The following DLGAP2 variants were observed in gnomAD, a reference collection of about 807,000 sequenced individuals.
DLGAP2 encodes the protein DLG associated protein 2.
In DLGAP2, 26 loss-of-function variants were observed where a neutral mutation model predicts 100.3. The observed-to-expected ratio is 0.26, with a 90% CI of 0.19 to 0.36. The LOEUF (loss-of-function observed/expected upper bound fraction) is 0.36. Among genes scored for constraint, DLGAP2 ranks in the 10% least tolerant of loss-of-function variants. The probability of loss-of-function intolerance (pLI) is 1.00; values close to 1 mark genes in which losing one functional copy is unlikely to be tolerated. For missense variants in DLGAP2, 1,858 were observed against 1,453.2 expected, an observed-to-expected ratio of 1.28 and a Z score of -4.53; for synonymous variants, 886 against 630.1, an observed-to-expected ratio of 1.41 and a Z score of -6.08.
chr8:1,601,945 G>GAT (rs1554506576), intron 6 of DLGAP2, among the ~76,000 whole-genome samples: 1,997 of 146,440 alleles, frequency 0.014, 22 homozygotes, highest in Middle Eastern at 0.028. Flanking sequence ...AATTTAACAG[G>GAT]GTGTGTGTGT....
At chr8:800,045 C>G (rs1360653861) in intron 1 of DLGAP2, among the ~76,000 whole-genome samples, 1 of 152,082 alleles carries the variant, frequency 6.6e-6, no homozygotes, top group Non-Finnish European at 1.5e-5. Context: ...TCTGGATGTC[C>G]TTTTAAAACT....
At chr8:777,961 A>G (rs1024540918) in intron 1 of DLGAP2, among the ~76,000 whole-genome samples, 7 of 152,042 alleles carry the variant, frequency 4.6e-5, no homozygotes, top group African/African-American at 9.7e-5. Flanking sequence ...ACTTGGTTCC[A>G]TTCTCCCCAT....
chr8:1,214,424 A>C (rs1798170597), intron 2 of DLGAP2, among the ~76,000 whole-genome samples: 1 of 152,204 alleles, frequency 6.6e-6, no homozygotes, highest in African/African-American at 2.4e-5. Context: ...GACTGCAGGT[A>C]GCAAGCAGGG....
intron 6 of DLGAP2, among the ~76,000 whole-genome samples, chr8:1,601,945 G>GATGTGTGTGTGT (rs1554506576): frequency 0.016 from 2,273 of 146,434 alleles, 26 homozygotes; most frequent in Non-Finnish European, 0.021. Flanking sequence ...AATTTAACAG[G>GATGTGTGTGTGT]GTGTGTGTGT....
chr8:1,060,545 G>C (rs1018087847), intron 2 of DLGAP2, among the ~76,000 whole-genome samples: 4 of 152,184 alleles, frequency 2.6e-5, no homozygotes, highest in African/African-American at 9.6e-5. Context: ...AAGGATGCCT[G>C]TCATCAGATT....
At chr8:1,227,030 C>A (rs1798430031) in intron 2 of DLGAP2, among the ~76,000 whole-genome samples, 1 of 150,638 alleles carries the variant, frequency 6.6e-6, no homozygotes, top group South Asian at 2.1e-4. Context: ...GGAACAAAAT[C>A]ACCACCTCGG....
At chr8:1,506,601 C>G (rs1243390409) in intron 4 of DLGAP2, among the ~76,000 whole-genome samples, 1 of 152,222 alleles carries the variant, frequency 6.6e-6, no homozygotes, top group Non-Finnish European at 1.5e-5. Context: ...CCAAGACGAT[C>G]TCAGCAGGTT....
chr8:1,071,250 T>C (rs7818865), intron 2 of DLGAP2, among the ~76,000 whole-genome samples: 140,946 of 152,302 alleles, frequency 0.93, 65,711 homozygotes, highest in Non-Finnish European at 0.96. Context: ...CAGCATTAAG[T>C]TAGACTACAC....
At chr8:867,533 C>A (rs1183046425) in intron 1 of DLGAP2, among the ~76,000 whole-genome samples, 1 of 152,206 alleles carries the variant, frequency 6.6e-6, no homozygotes, top group Admixed American at 6.5e-5. Context: ...CATTACGTGG[C>A]TTTCTCTATG....
At chr8:1,130,539 A>T (rs912100201) in intron 2 of DLGAP2, among the ~76,000 whole-genome samples, 1 of 152,226 alleles carries the variant, frequency 6.6e-6, no homozygotes, top group African/African-American at 2.4e-5. Flanking sequence ...CACCCATTAG[A>T]TAAAAGCAGA....
At chr8:1,245,358 G>A (rs62487828) in intron 2 of DLGAP2, among the ~76,000 whole-genome samples, 30,790 of 152,158 alleles carry the variant, frequency 0.2, 3,813 homozygotes, top group African/African-American at 0.34. Flanking sequence ...ATCCGGAAAC[G>A]GAGGGGTGGA....
At chr8:1,318,440 C>T (rs990879503) in intron 3 of DLGAP2, among the ~76,000 whole-genome samples, 2 of 150,570 alleles carry the variant, frequency 1.3e-5, no homozygotes, top group Admixed American at 6.7e-5. Context: ...ACCTTCGTTT[C>T]TTCGTATCTA....
chr8:1,186,972 C>T (rs533944642), intron 2 of DLGAP2, among the ~76,000 whole-genome samples: 2 of 152,322 alleles, frequency 1.3e-5, no homozygotes, highest in Non-Finnish European at 2.9e-5. Flanking sequence ...CCACATGTTT[C>T]CATCACACCC....
chr8:1,462,836 G>C (rs1339207841), intron 3 of DLGAP2, among the ~76,000 whole-genome samples: 1 of 152,226 alleles, frequency 6.6e-6, no homozygotes, highest in East Asian at 1.9e-4. Flanking sequence ...GGCGGCTTCT[G>C]ATTTCTAGGA....
At chr8:1,452,237 T>C (rs1798182884) in intron 3 of DLGAP2, among the ~76,000 whole-genome samples, 1 of 150,918 alleles carries the variant, frequency 6.6e-6, no homozygotes, top group Non-Finnish European at 1.5e-5. Context: ...GTTCTGTGGC[T>C]GCGTGTTCTG....
intron 6 of DLGAP2, among the ~76,000 whole-genome samples, chr8:1,582,871 C>A (rs998289164): frequency 6.6e-6 from 1 of 152,136 alleles, no homozygotes; most frequent in African/African-American, 2.4e-5. Context: ...AAAGGAAGTT[C>A]TTTAAGCATG....
chr8:996,231 T>A (rs554349311), intron 2 of DLGAP2, among the ~76,000 whole-genome samples: 15 of 152,306 alleles, frequency 9.8e-5, no homozygotes, highest in Admixed American at 8.5e-4. Context: ...TAGTAACTTT[T>A]CTTTGATTGT....
chr8:1,524,315 C>T (rs528538771), intron 4 of DLGAP2, among the ~76,000 whole-genome samples: 6 of 152,216 alleles, frequency 3.9e-5, no homozygotes, highest in African/African-American at 1.4e-4. Flanking sequence ...CAACACAGAC[C>T]CTCACCGGTG....
At chr8:935,252 C>T (rs1799044494) in intron 2 of DLGAP2, among the ~76,000 whole-genome samples, 1 of 152,198 alleles carries the variant, frequency 6.6e-6, no homozygotes, top group South Asian at 2.1e-4. Context: ...GTGCTCTTTG[C>T]CTTGGACCCA....
Sources: gnomAD v4.1 joint callset for allele counts (sites outside exome capture counted in the v4.1 genomes callset) on GRCh38, gnomAD v4.1.1 for gene constraint, MANE v1.5 for transcripts, NCBI Gene and HGNC (gene_info 2026-07-23, HGNC 2026-07-21) for gene names.